AACS: variants seen among roughly 807,000 people sequenced by gnomAD.
AACS encodes acetoacetate-CoA ligase.
A neutral mutation model predicts 83.1 loss-of-function variants in AACS; 69 were observed. That is an observed-to-expected ratio of 0.83 (90% CI 0.68 to 1.01). AACS has a LOEUF of 1.01. Ranked by LOEUF, AACS falls within the 50% of genes least tolerant of loss-of-function variation. The pLI, the probability that AACS is intolerant of heterozygous loss-of-function variation, is 0.00. For missense variants in AACS, 866 were observed against 882.2 expected, an observed-to-expected ratio of 0.98 and a Z score of 0.23; for synonymous variants, 333 against 343.4, an observed-to-expected ratio of 0.97 and a Z score of 0.33.
At chr12:125,106,692 G>A (rs1239512986) in intron 7 of AACS, among the ~76,000 whole-genome samples, 1 of 152,162 alleles carries the variant, frequency 6.6e-6, no homozygotes, top group Non-Finnish European at 1.5e-5. Context: ...TGGAAACAAA[G>A]CGTTTGCTAA....
intron 3 of AACS, among the ~76,000 whole-genome samples, chr12:125,081,394 T>A (rs1036878366): frequency 2.0e-5 from 3 of 152,216 alleles, no homozygotes; most frequent in African/African-American, 7.2e-5. Context: ...TCGCATCCCT[T>A]ACTTAAGCAA....
chr12:125,066,450 A>T (rs1217632651), intron 1 of AACS, among the ~76,000 whole-genome samples: 19 of 106,886 alleles, frequency 1.8e-4, no homozygotes, highest in South Asian at 3.3e-4. Flanking sequence ...TTCCTAGGGG[A>T]TTTTTTTTTT....
At chr12:125,086,193 T>G (rs1956335234) in intron 3 of AACS, 137 bp from the exon 4 acceptor site, 1 of 690,542 alleles carries the variant, frequency 1.4e-6, no homozygotes, top group Non-Finnish European at 2.5e-6. Flanking sequence ...ATCTTGCTTG[T>G]GTTCCCTGCG....
At position 125,065,510 on chromosome 12, in the gene AACS, AGGTCCCCG is replaced by A. The variant is rs1955660824; in HGVS notation, c.-73_-66del. 6 of 1,349,646 alleles carry A rather than the reference AGGTCCCCG, an allele frequency of 4.4e-6. No homozygotes were observed. The East Asian group carries it at 1.9e-4, about 42-fold the overall frequency. 83.6% of individuals were successfully genotyped at this position (1,349,646 alleles called of 1,614,324 possible). ...CCTGACCGTCGCTTCCTCCGGTCCC[AGGTCCCCG>A]GCCCTCGCCTCAGCCCCGGCCCCTG... is the stretch of plus-strand genomic sequence containing the variant. On this transcript the variant is annotated 5_prime_UTR_variant, in exon 1 of 18. Coordinates refer to ENST00000316519, the MANE Select transcript of AACS (RefSeq NM_023928.5).
At chr12:125,073,288 C>T (rs755940853) in intron 1 of AACS, among the ~76,000 whole-genome samples, 18 of 152,264 alleles carry the variant, frequency 1.2e-4, no homozygotes, top group Middle Eastern at 6.8e-3. Context: ...CTTCAAAAAT[C>T]GAAATAAGTA....
At chr12:125,073,805 G>A (rs1016983377) in intron 1 of AACS, 71 bp from the exon 2 acceptor site, 11 of 1,254,340 alleles carry the variant, frequency 8.8e-6, no homozygotes, top group Middle Eastern at 1.9e-4. Flanking sequence ...AGGCTTCTGA[G>A]GTGTGTCCAT....
At chr12:125,105,945 G>T (rs1956824740) in intron 7 of AACS, among the ~76,000 whole-genome samples, 1 of 152,204 alleles carries the variant, frequency 6.6e-6, no homozygotes, top group South Asian at 2.1e-4. Context: ...GTTCCACAGT[G>T]AATAGTTTTC....
Position 125,142,088 on chromosome 12 carries a change from G to C in AACS, c.1882-4G>C. 5 of 1,613,726 alleles carry C rather than the reference G, an allele frequency of 3.1e-6. No individual in the cohort carries two copies. The highest frequency in any genetic ancestry group is 4.2e-6 in the Non-Finnish European group (5 of 1,179,934). On this transcript the variant is annotated splice_polypyrimidine_tract_variant and splice_region_variant and intron_variant, in intron 17 of 17. Transcript: ENST00000316519. Reference sequence around the variant, plus strand: ...GTTCCTGTTTTTCTACCTTTCCCTCGCAGTATACGCTCAACGGCAAGAAAG... The same window carrying C: ...GTTCCTGTTTTTCTACCTTTCCCTCCCAGTATACGCTCAACGGCAAGAAAG...
intron 17 of AACS, among the ~76,000 whole-genome samples, chr12:125,137,249 C>T (rs1030490760): frequency 6.6e-6 from 1 of 152,244 alleles, no homozygotes; most frequent in Non-Finnish European, 1.5e-5. Flanking sequence ...TCTCAGCTCA[C>T]TGCAACCTCC....
intron 8 of AACS, among the ~76,000 whole-genome samples, chr12:125,111,109 G>A (rs933243625): frequency 5.9e-5 from 9 of 152,240 alleles, no homozygotes; most frequent in African/African-American, 2.2e-4. Flanking sequence ...GCTCAACGGA[G>A]TTGCCTCTTT....
Position 125,065,647 on chromosome 12 carries a change from T to G in AACS, c.63T>G (p.Pro21=). The part of the protein sequence containing the change: ...EILECQVMWE[P]DSKKNTQMDR... The stretch of plus-strand genomic sequence containing the variant: ...TGGAGTGCCAGGTGATGTGGGAGCC[T>G]GACAGTAAGAAGAACACGCAGATGG... Residue 21 remains proline (P), a synonymous_variant, in exon 1 of 18, where the codon CCT becomes CCG. Coordinates refer to ENST00000316519, the MANE Select transcript of AACS (RefSeq NM_023928.5). 1.3e-6 allele frequency: 2 copies of G among 1,546,220 alleles called. No homozygotes were observed. The highest frequency in any genetic ancestry group is 2.4e-5 in the South Asian group (2 of 83,534).
At chr12:125,112,503 AC>A in intron 8 of AACS, among the ~76,000 whole-genome samples, 1 of 151,960 alleles carries the variant, frequency 6.6e-6, no homozygotes, top group Non-Finnish European at 1.5e-5. Flanking sequence ...ACATGGTGAA[AC>A]CCTGTCTCTC....
At chr12:125,072,473 AT>A (rs1186752909) in intron 1 of AACS, among the ~76,000 whole-genome samples, 1 of 152,252 alleles carries the variant, frequency 6.6e-6, no homozygotes, top group African/African-American at 2.4e-5. Context: ...CAGCGGTTGT[AT>A]TATACCTTTT....
chr12:125,066,732 A>C (rs1170315504), intron 1 of AACS, among the ~76,000 whole-genome samples: 1 of 151,988 alleles, frequency 6.6e-6, no homozygotes, highest in Non-Finnish European at 1.5e-5. Flanking sequence ...TACAGGTGTG[A>C]GCCACGGCGC....
In AACS at chr12:125,134,036, A is replaced by T. The variant is rs199888656; in HGVS notation, c.1583A>T (p.Asn528Ile). ...IWAHGDYCRI[N>I]PKTGGIVMLG... ...GCTCATGGCGACTACTGCAGAATCA[A>T]CCCCAAGACCGGGGGCATCGTCATG... Residue 528 changes from asparagine (N) to isoleucine (I), a missense_variant, in exon 15 of 18, where the codon AAC (asparagine) becomes ATC (isoleucine). Coordinates refer to ENST00000316519, the MANE Select transcript of AACS (RefSeq NM_023928.5). The T allele has an allele frequency of 5.0e-6, 8 of 1,614,050 alleles. No individual in the cohort carries two copies. The African/African-American group carries it at 9.3e-5, about 19-fold the overall frequency.
chr12:125,107,064 G>A, intron 7 of AACS, 57 bp from the exon 8 acceptor site: 1 of 1,609,632 alleles, frequency 6.2e-7, no homozygotes, highest in South Asian at 1.1e-5. Context: ...GAATCAGTGG[G>A]TCCGGTCCAG....
At chr12:125,079,214 G>C (rs914143818) in intron 3 of AACS, among the ~76,000 whole-genome samples, 12 of 152,292 alleles carry the variant, frequency 7.9e-5, no homozygotes, top group African/African-American at 2.9e-4. Flanking sequence ...GGGGGGCCTC[G>C]GTGGTGAGTC....
At chr12:125,084,576 A>G (rs1412495054) in intron 3 of AACS, among the ~76,000 whole-genome samples, 1 of 127,138 alleles carries the variant, frequency 7.9e-6, no homozygotes, top group Admixed American at 8.4e-5. Flanking sequence ...GCTAGTTTTT[A>G]AATTTTTTTT....
intron 4 of AACS, among the ~76,000 whole-genome samples, chr12:125,090,033 T>C (rs1192843794): frequency 6.7e-6 from 1 of 149,954 alleles, no homozygotes; most frequent in African/African-American, 2.5e-5. Context: ...CTATACATTC[T>C]TCTCTCCACC....
Sources: gnomAD v4.1 joint callset for allele counts (sites outside exome capture counted in the v4.1 genomes callset) on GRCh38, gnomAD v4.1.1 for gene constraint, MANE v1.5 for transcripts, NCBI Gene and HGNC (gene_info 2026-07-23, HGNC 2026-07-21) for gene names.